The following SPTSSA variants were observed in gnomAD, a reference collection of about 807,000 sequenced individuals.
SPTSSA encodes serine palmitoyltransferase small subunit A.
Under a neutral mutation model 9.1 loss-of-function variants are expected in SPTSSA, and 8 were observed. The observed-to-expected ratio is 0.88, with a 90% CI of 0.51 to 1.58. The LOEUF (loss-of-function observed/expected upper bound fraction) is 1.58. SPTSSA is among the 40% of genes most tolerant of loss of function. The pLI is 0.00. For missense variants in SPTSSA, 100 were observed against 93.8 expected (o/e 1.07, Z -0.27); for synonymous variants, 42 against 37.7 (o/e 1.11, Z -0.41).
chr14:34,438,152 G>A (rs551531165), intron 1 of SPTSSA, among the ~76,000 whole-genome samples: 7 of 152,142 alleles, frequency 4.6e-5, no homozygotes, highest in Admixed American at 2.6e-4. Flanking sequence ...TGTTACTTGC[G>A]GCTGAAAACG....
intron 1 of SPTSSA, among the ~76,000 whole-genome samples, chr14:34,451,966 A>C (rs141154364): frequency 0.012 from 1,799 of 152,186 alleles, 34 homozygotes; most frequent in African/African-American, 0.04. Context: ...GACCTCAAAA[A>C]ACTGCAGATC....
intron 1 of SPTSSA, among the ~76,000 whole-genome samples, chr14:34,441,605 T>C (rs1166315623): frequency 6.6e-6 from 1 of 152,018 alleles, no homozygotes; most frequent in Admixed American, 6.5e-5. Context: ...AAACCTAAAG[T>C]TTGGGATTTT....
At chr14:34,455,445 TGC>T (rs1480381128) in intron 1 of SPTSSA, among the ~76,000 whole-genome samples, 5 of 151,994 alleles carry the variant, frequency 3.3e-5, no homozygotes, top group African/African-American at 1.2e-4. Context: ...TCAGGAGAGA[TGC>T]ATAGGAAACT....
intron 1 of SPTSSA, among the ~76,000 whole-genome samples, chr14:34,456,793 G>T (rs1003491730): frequency 2.0e-5 from 3 of 151,062 alleles, no homozygotes; most frequent in African/African-American, 7.3e-5. Context: ...CAGCTACTCG[G>T]GAGGGCAAGG....
intron 1 of SPTSSA, among the ~76,000 whole-genome samples, chr14:34,451,294 T>C (rs533898055): frequency 1.3e-5 from 2 of 152,284 alleles, no homozygotes; most frequent in East Asian, 1.9e-4. Flanking sequence ...ACATCTTCAC[T>C]AGTCTAAATA....
intron 1 of SPTSSA, among the ~76,000 whole-genome samples, chr14:34,459,445 C>T (rs971871084): frequency 7.2e-6 from 1 of 139,224 alleles, no homozygotes; most frequent in East Asian, 2.2e-4. Flanking sequence ...GGCAACAGAG[C>T]GAGACACCGT....
In SPTSSA at chr14:34,434,100, C is replaced by T. The variant is rs1173105111; in HGVS notation, c.*1101G>A. On this transcript the variant is annotated 3_prime_UTR_variant, in exon 2 of 2. Coordinates refer to ENST00000298130, the MANE Select transcript of SPTSSA (RefSeq NM_138288.4). Reference sequence around the variant, plus strand: ...ATCTGGTCCTCCACAGAAAATAATTCAGCAATATAAATACTAGATCAATAT... The same window carrying T: ...ATCTGGTCCTCCACAGAAAATAATTTAGCAATATAAATACTAGATCAATAT... The T allele has an allele frequency of 6.6e-6, 1 of 151,496 alleles. No homozygotes were observed. The highest frequency in any genetic ancestry group is 1.5e-5 in the Non-Finnish European group (1 of 67,944). The allele number at this position is 151,496 out of a possible 1,614,324, so 9.4% of individuals were successfully genotyped here.
At chr14:34,438,554 C>T (rs186532958) in intron 1 of SPTSSA, among the ~76,000 whole-genome samples, 3 of 152,252 alleles carry the variant, frequency 2.0e-5, no homozygotes, top group African/African-American at 7.2e-5. Context: ...TGACATTCAA[C>T]AAGGTAACTT....
chr14:34,436,299 T>C (rs1883240240), intron 1 of SPTSSA, among the ~76,000 whole-genome samples: 1 of 152,214 alleles, frequency 6.6e-6, no homozygotes, highest in South Asian at 2.1e-4. Flanking sequence ...AAACTGTATA[T>C]ATGGAAGTCA....
chr14:34,435,828 C>T (rs113172439), intron 1 of SPTSSA, among the ~76,000 whole-genome samples: 139 of 151,964 alleles, frequency 9.1e-4, no homozygotes, highest in Middle Eastern at 3.4e-3. Flanking sequence ...CAGGGTTTCA[C>T]CATGTTGGCC....
intron 1 of SPTSSA, among the ~76,000 whole-genome samples, chr14:34,451,052 A>G (rs1327854065): frequency 2.0e-5 from 3 of 151,236 alleles, no homozygotes; most frequent in Non-Finnish European, 4.4e-5. Context: ...TAAAAAGACC[A>G]TTATCAGCAA....
At chr14:34,459,287 C>T (rs1215101127) in intron 1 of SPTSSA, among the ~76,000 whole-genome samples, 3 of 149,326 alleles carry the variant, frequency 2.0e-5, no homozygotes, top group East Asian at 2.0e-4. Flanking sequence ...CCCCCAACTC[C>T]GCCTCTATTA....
intron 1 of SPTSSA, among the ~76,000 whole-genome samples, chr14:34,442,376 A>G (rs1391436493): frequency 6.6e-6 from 1 of 152,178 alleles, no homozygotes; most frequent in East Asian, 1.9e-4. Flanking sequence ...ATTACAGTTT[A>G]TGGCTATTCT....
At chr14:34,449,103 A>C (rs957021286) in intron 1 of SPTSSA, among the ~76,000 whole-genome samples, 10 of 152,102 alleles carry the variant, frequency 6.6e-5, no homozygotes, top group Non-Finnish European at 1.2e-4. Flanking sequence ...TAATCAAAAA[A>C]TGCAGGCCAG....
At chr14:34,435,627 T>C (rs901500280) in intron 1 of SPTSSA, among the ~76,000 whole-genome samples, 8 of 143,954 alleles carry the variant, frequency 5.6e-5, no homozygotes, top group African/African-American at 2.1e-4. Flanking sequence ...GTTTCTCTTT[T>C]TTTTTTTTTT....
At position 34,443,199 on chromosome 14, in the gene SPTSSA, GTGT is replaced by G. The variant is rs1261425409; in HGVS notation, c.113-7898_113-7896del. On this transcript the variant is annotated intron_variant, in intron 1 of 1. Coordinates refer to ENST00000298130, the MANE Select transcript of SPTSSA (RefSeq NM_138288.4). The stretch of plus-strand genomic sequence containing the variant: ...TTGAGATTGAGTTTTCCTCTAGGGG[GTGT>G]GTGTGTGTGTGTGTGTGTGTGTGTG... Among the ~76,000 whole-genome samples, 3 of 11,680 alleles carry G rather than the reference GTGT, an allele frequency of 2.6e-4. No homozygotes were observed. In the African/African-American group the frequency reaches 3.5e-3, roughly 14 times the overall value. The allele number at this position is 11,680 out of a possible 152,430, so 7.7% of individuals were successfully genotyped here.
At chr14:34,443,857 ATT>A (rs533711785) in intron 1 of SPTSSA, among the ~76,000 whole-genome samples, 29 of 152,226 alleles carry the variant, frequency 1.9e-4, no homozygotes, top group African/African-American at 7.0e-4. Context: ...CATAAATAAA[ATT>A]TGAGTCATAT....
chr14:34,437,297 C>G (rs10147869), intron 1 of SPTSSA, among the ~76,000 whole-genome samples: 13,696 of 152,206 alleles, frequency 0.09, 1,291 homozygotes, highest in African/African-American at 0.23. Flanking sequence ...ACTCTGGGCT[C>G]AGGTATTTTC....
intron 1 of SPTSSA, among the ~76,000 whole-genome samples, chr14:34,435,645 T>TTTTTTTTTA (rs1883230322): frequency 6.8e-6 from 1 of 146,614 alleles, no homozygotes; most frequent in Non-Finnish European, 1.5e-5. Context: ...TTTTTTTTTT[T>TTTTTTTTTA]GAGACAGAGT....
Sources: allele counts gnomAD v4.1 joint callset (sites outside exome capture counted in the v4.1 genomes callset), GRCh38; gene constraint gnomAD v4.1.1; transcripts MANE v1.5; gene names NCBI Gene and HGNC (gene_info 2026-07-23, HGNC 2026-07-21).